Variants in GCSAM observed in about 807,000 individuals in gnomAD.
GCSAM encodes the protein germinal center associated signaling and motility, also known as germinal center-associated signaling and motility protein.
Under a neutral mutation model 17.6 loss-of-function variants are expected in GCSAM, and 8 were observed. The ratio of observed to expected loss-of-function variants is 0.46; its 90% CI spans 0.27 to 0.82. The LOEUF is 0.82. Ranked by LOEUF, GCSAM falls within the 40% of genes least tolerant of loss-of-function variation. The probability of loss-of-function intolerance (pLI) is 0.15; values close to 1 mark genes in which losing one functional copy is unlikely to be tolerated. For missense variants in GCSAM, 192 were observed against 213.5 expected (o/e 0.90, Z 0.63); for synonymous variants, 68 against 69.0 (o/e 0.98, Z 0.07).
chr3:112,132,896 G>T, intron 1 of GCSAM, 196 bp downstream of exon 1: 1 of 559,054 alleles, frequency 1.8e-6, no homozygotes, highest in Non-Finnish European at 3.0e-6. Context: ...CATGATTCTT[G>T]GGAGAAGGCA....
At position 112,130,454 on chromosome 3, in the gene GCSAM, C is replaced by T. The variant is rs2074426920; in HGVS notation, c.89G>A (p.Arg30Lys). 6.2e-7 allele frequency: 1 copy of T among 1,614,018 alleles called. No individual in the cohort carries two copies. The highest frequency in any genetic ancestry group is 8.5e-7 in the Non-Finnish European group (1 of 1,179,888). Reference protein sequence around the residue: ...WNVRMQSPKQRTSRCWDHHIA... With the variant: ...WNVRMQSPKQKTSRCWDHHIA... ...TTGATTTTGCTCTCACCTGGATGTT[C>T]TCTGTTTGGGGCTTTGCATTCTCAC... is the stretch of plus-strand genomic sequence containing the variant. Residue 30 changes from arginine to lysine, a missense_variant, in exon 2 of 6, where the codon AGA becomes AAA. Coordinates refer to ENST00000308910, the MANE Select transcript of GCSAM (RefSeq NM_152785.5).
At chr3:112,133,058 C>G (rs762953106) in intron 1 of GCSAM, 34 bp downstream of exon 1, 31 of 1,606,946 alleles carry the variant, frequency 1.9e-5, no homozygotes, top group Non-Finnish European at 2.6e-5. Context: ...CCTGTCCCAT[C>G]TCCTCTGCTC....
At position 112,123,863 on chromosome 3, in the gene GCSAM, G is replaced by C. The variant is rs144228314; in HGVS notation, c.220-91C>G. On this transcript the variant is annotated intron_variant, in intron 5 of 5. Coordinates refer to ENST00000308910, the MANE Select transcript of GCSAM (RefSeq NM_152785.5). ...CAACACAGGCTTGACCCTTGGTCAA[G>C]TCTGTCTTCTATGACCACCTCCTCC... 7.2e-3 allele frequency: 10,019 copies of C among 1,389,230 alleles called. 45 individuals are homozygous for C. The highest frequency in any genetic ancestry group is 8.8e-3 in the Non-Finnish European group (8,999 of 1,026,424). 86.1% of individuals were successfully genotyped at this position (1,389,230 alleles called of 1,614,324 possible).
chr3:112,128,313 C>G, intron 2 of GCSAM: 1 of 641,710 alleles, frequency 1.6e-6, no homozygotes, highest in South Asian at 1.6e-5. Flanking sequence ...TGTTTCCTCA[C>G]TCTCAATTCT....
intron 2 of GCSAM, chr3:112,130,214 G>C (rs1435261134): frequency 1.8e-6 from 1 of 552,900 alleles, no homozygotes; most frequent in African/African-American, 1.9e-5. Flanking sequence ...GGACTAGCAG[G>C]GTCTTAGTTC....
In GCSAM at chr3:112,123,418, T is replaced by C; in HGVS notation, c.*37A>G. ...GCAGATCCCCCATCCCACCTTTTAT[T>C]TGTTGGTGCTAAACAAATGCTAGTC... On this transcript the variant is annotated 3_prime_UTR_variant, in exon 6 of 6. Transcript: ENST00000308910. The C allele has an allele frequency of 6.3e-7, 1 of 1,590,208 alleles. No individual in the cohort carries two copies. The highest frequency in any genetic ancestry group is 8.6e-7 in the Non-Finnish European group (1 of 1,167,448).
At chr3:112,132,750 A>G (rs1443963124) in intron 1 of GCSAM, 13 of 697,400 alleles carry the variant, frequency 1.9e-5, no homozygotes, top group Non-Finnish European at 2.1e-5. Context: ...CTCCTTGTGG[A>G]GCATGAGGAG....
intron 2 of GCSAM, 78 bp downstream of exon 2, chr3:112,130,367 G>A: frequency 7.2e-6 from 8 of 1,106,648 alleles, no homozygotes; most frequent in Non-Finnish European, 1.1e-5. Flanking sequence ...CTCTCACTGG[G>A]ATGTGAAGTC....
At chr3:112,128,593 C>T (rs2074383327) in intron 2 of GCSAM, 1 of 216,484 alleles carries the variant, frequency 4.6e-6, no homozygotes, top group Non-Finnish European at 9.4e-6. Context: ...GTCTATGACA[C>T]AACATCTGGC....
intron 1 of GCSAM, among the ~76,000 whole-genome samples, chr3:112,131,885 A>T (rs2074462121): frequency 6.6e-6 from 1 of 152,192 alleles, no homozygotes; most frequent in Non-Finnish European, 1.5e-5. Flanking sequence ...AAACCATAAG[A>T]AGTCCAAATA....
chr3:112,123,880 A>C, intron 5 of GCSAM, 108 bp from the exon 6 acceptor site: 1 of 1,168,546 alleles, frequency 8.6e-7, no homozygotes, highest in South Asian at 1.5e-5. Flanking sequence ...TTCTATGACC[A>C]CCTCCTCCCC....
chr3:112,128,012 C>T lies in GCSAM; in HGVS notation c.143+5G>A, dbSNP rs2074368442. ...AATAACTCCTAAAAACAACTGTCCACTCACCATGGAAGGCAGAAACACCCT... is the reference window on the plus strand; with the variant it reads ...AATAACTCCTAAAAACAACTGTCCATTCACCATGGAAGGCAGAAACACCCT... On this transcript the variant is annotated splice_donor_5th_base_variant and intron_variant, in intron 3 of 5. Transcript: ENST00000308910. 1 of 1,612,952 alleles carries T rather than the reference C, an allele frequency of 6.2e-7. No individual in the cohort carries two copies. The highest frequency in any genetic ancestry group is 8.5e-7 in the Non-Finnish European group (1 of 1,179,006).
At chr3:112,128,589 GAC>G (rs1169836088) in intron 2 of GCSAM, 1 of 221,410 alleles carries the variant, frequency 4.5e-6, no homozygotes, top group African/African-American at 2.3e-5. Flanking sequence ...TCCAGTCTAT[GAC>G]ACAACATCTG....
Position 112,130,498 on chromosome 3 carries a change from A to G in GCSAM, c.45T>C (p.Thr15=). The G allele has an allele frequency of 6.2e-7, 1 of 1,613,970 alleles. No homozygotes were observed. Among genetic ancestry groups the G allele is most frequent in the Non-Finnish European group, 8.5e-7 (1 of 1,179,910 alleles). The change falls in exon 2 of 6, where the codon ACT becomes ACC. Residue 15 remains threonine (T), a synonymous_variant. Transcript: ENST00000308910. ...LLRENRRQQN[T]QEMPWNVRMQ... is the part of the protein sequence containing the mutation. The stretch of plus-strand genomic sequence containing the variant: ...TTCTCACATTCCAAGGCATCTCTTG[A>G]GTGTTCTGCTGCCGCCTGAAACTCA...
At chr3:112,132,079 T>A (rs964095130) in intron 1 of GCSAM, among the ~76,000 whole-genome samples, 6 of 152,140 alleles carry the variant, frequency 3.9e-5, no homozygotes, top group Non-Finnish European at 7.3e-5. Flanking sequence ...GCATCTCATA[T>A]CTAGTAATAA....
chr3:112,130,845 C>T (rs1234077055), intron 1 of GCSAM: 2 of 344,518 alleles, frequency 5.8e-6, no homozygotes, highest in African/African-American at 2.1e-5. Flanking sequence ...AGGTCCTCAG[C>T]TACCATCTCT....
chr3:112,124,462 A>G (rs1360749111), intron 5 of GCSAM, among the ~76,000 whole-genome samples: 2 of 152,126 alleles, frequency 1.3e-5, no homozygotes, highest in East Asian at 3.8e-4. Context: ...TACAAAAATT[A>G]GCCAGGTGTG....
intron 1 of GCSAM, among the ~76,000 whole-genome samples, chr3:112,131,280 T>C (rs1338368677): frequency 6.6e-6 from 1 of 152,110 alleles, no homozygotes; most frequent in Non-Finnish European, 1.5e-5. Context: ...GGCAGGTCTC[T>C]TCCTCTGAGA....
At position 112,121,455 on chromosome 3, in the gene GCSAM, C is replaced by G. The variant is rs2074198111; in HGVS notation, c.*2000G>C. The G allele has an allele frequency of 6.6e-6, 1 of 152,138 alleles. No homozygotes were observed. Among genetic ancestry groups the G allele is most frequent in the African/African-American group, 2.4e-5 (1 of 41,414 alleles). 9.4% of individuals were successfully genotyped at this position (152,138 alleles called of 1,614,324 possible). ...GATTGCCTGCATTAGATGTAATCCT[C>G]CTGTTGATGGTGAAGAAGCTGAGCC... On this transcript the variant is annotated 3_prime_UTR_variant, in exon 6 of 6. Transcript: ENST00000308910.
Sources: gnomAD v4.1 joint callset for allele counts (sites outside exome capture counted in the v4.1 genomes callset) on GRCh38, gnomAD v4.1.1 for gene constraint, MANE v1.5 for transcripts, NCBI Gene and HGNC (gene_info 2026-07-23, HGNC 2026-07-21) for gene names.